The following MX1 variants were observed in gnomAD, a reference collection of about 807,000 sequenced individuals.
MX1 encodes MX dynamin like GTPase 1.
Under a neutral mutation model 66.4 loss-of-function variants are expected in MX1, and 66 were observed. The observed-to-expected ratio is 0.99, with a 90% CI of 0.82 to 1.22. MX1 has a LOEUF of 1.22. Ranked by LOEUF, MX1 falls within the 50% of genes most tolerant of loss-of-function variation. MX1 has a pLI of 0.00. For synonymous variants in MX1, 311 were observed against 318.1 expected, an observed-to-expected ratio of 0.98 and a Z score of 0.24; for missense variants, 787 against 834.3, an observed-to-expected ratio of 0.94 and a Z score of 0.70.
intron 8 of MX1, 56 bp downstream of exon 8, chr21:41,439,904 G>A: frequency 1.4e-6 from 2 of 1,478,198 alleles, no homozygotes; most frequent in South Asian, 1.2e-5. Context: ...GGGGAGTGGA[G>A]GGGTGGGAGG....
intron 15 of MX1, among the ~76,000 whole-genome samples, 155 bp from the exon 16 acceptor site, chr21:41,452,466 A>G (rs1246268781): frequency 6.6e-6 from 1 of 152,178 alleles, no homozygotes; most frequent in Non-Finnish European, 1.5e-5. Flanking sequence ...AACCTGCCTT[A>G]GATACACCAG....
chr21:41,445,687 C>A, intron 12 of MX1, 117 bp downstream of exon 12: 1 of 1,383,404 alleles, frequency 7.2e-7, no homozygotes, highest in Non-Finnish European at 9.8e-7. Context: ...GACATCTGGC[C>A]CGTAGCACTC....
At chr21:41,458,423 C>T in intron 16 of MX1, 105 bp from the exon 17 acceptor site, 1 of 1,256,364 alleles carries the variant, frequency 8.0e-7, no homozygotes, top group Non-Finnish European at 1.1e-6. Context: ...CTGCGAGGGT[C>T]TCCCTCATTG....
At chr21:41,442,006 A>AGTGTGT (rs10693544) in intron 10 of MX1, 92 bp downstream of exon 10, 314,532 of 904,166 alleles carry the variant, frequency 0.35, 34,959 homozygotes, top group Non-Finnish European at 0.39. Flanking sequence ...AGATGTGTGG[A>AGTGTGT]GTGTGTGTGT....
Position 41,443,754 on chromosome 21 carries a change from T to A in MX1, c.930-34T>A, listed in dbSNP as rs368517667. On this transcript the variant is annotated intron_variant, in intron 10 of 16. Transcript: ENST00000398598. Reference sequence around the variant, plus strand: ...GGCAGACATGCGTGTTCTGGCTACATCAAGGTGGAAATCGGTCCTGTGTTC... The same window carrying A: ...GGCAGACATGCGTGTTCTGGCTACAACAAGGTGGAAATCGGTCCTGTGTTC... 4.4e-4 allele frequency: 713 copies of A among 1,607,532 alleles called. 1 individual carries two copies. Among genetic ancestry groups the A allele is most frequent in the Non-Finnish European group, 5.8e-4 (685 of 1,174,168 alleles).
intron 7 of MX1, among the ~76,000 whole-genome samples, chr21:41,438,627 C>A (rs2146191014): frequency 6.6e-6 from 1 of 152,302 alleles, no homozygotes; most frequent in East Asian, 1.9e-4. Context: ...CGTGGCCAAG[C>A]CCAATTTCAA....
Position 41,435,926 on chromosome 21 carries a change from G to A in MX1, c.195G>A (p.Glu65=), listed in dbSNP as rs2090346637. The A allele has an allele frequency of 2.5e-6, 4 of 1,614,110 alleles. No individual in the cohort carries two copies. The highest frequency in any genetic ancestry group is 1.1e-5 in the South Asian group (1 of 91,092). ...ACTCCCTGCGGGCTCTAGGTGTGGA[G>A]CAGGACCTGGCCCTGCCAGCCATCG... ...LIDSLRALGV[E]QDLALPAIAV... is the part of the protein sequence containing the mutation. The change falls in exon 6 of 17, where the codon GAG becomes GAA. Residue 65 remains glutamate (E), a synonymous_variant. Transcript: ENST00000398598.
chr21:41,431,088 T>C (rs1254270610), intron 4 of MX1, among the ~76,000 whole-genome samples: 2 of 152,238 alleles, frequency 1.3e-5, no homozygotes, highest in African/African-American at 4.8e-5. Flanking sequence ...AGTGGTGCGA[T>C]CTCGGCTCAC....
chr21:41,445,336 C>A lies in MX1; in HGVS notation c.1009-112C>A. 2.3e-6 allele frequency: 3 copies of A among 1,303,432 alleles called. No individual in the cohort carries two copies. The South Asian group carries it at 4.1e-5, about 18-fold the overall frequency. The allele number at this position is 1,303,432 out of a possible 1,614,324, so 80.7% of individuals were successfully genotyped here. A position where few individuals can be genotyped will look rare whatever the true frequency, so the allele number is the denominator to read the frequency against. Reference sequence around the variant, plus strand: ...TGGAAAAGCTTCCTTTTAGAGGAAGCCAGGAAGTCAAATGGCCCACACAAC... The same window carrying A: ...TGGAAAAGCTTCCTTTTAGAGGAAGACAGGAAGTCAAATGGCCCACACAAC... On this transcript the variant is annotated intron_variant, in intron 11 of 16. Coordinates refer to ENST00000398598, the MANE Select transcript of MX1 (RefSeq NM_002462.5).
chr21:41,443,743 T>G (rs770857034), intron 10 of MX1, 45 bp from the exon 11 acceptor site: 17 of 1,590,604 alleles, frequency 1.1e-5, no homozygotes, highest in Non-Finnish European at 1.4e-5. Context: ...GACATGCGTG[T>G]TCTGGCTACA....
intron 3 of MX1, chr21:41,429,361 A>G (rs2090149531): frequency 6.6e-6 from 1 of 152,212 alleles, no homozygotes; most frequent in Non-Finnish European, 1.5e-5. Flanking sequence ...TAGGGAAGGG[A>G]ATCTACTCAC....
intron 7 of MX1, among the ~76,000 whole-genome samples, chr21:41,439,194 A>G (rs1413417723): frequency 2.0e-5 from 3 of 152,078 alleles, no homozygotes; most frequent in Non-Finnish European, 4.4e-5. Flanking sequence ...AAACAAATTC[A>G]TATCCTAAAA....
intron 10 of MX1, 21 bp from the exon 11 acceptor site, chr21:41,443,767 C>G: frequency 6.2e-7 from 1 of 1,612,808 alleles, no homozygotes. Flanking sequence ...AGGTGGAAAT[C>G]GGTCCTGTGT....
intron 16 of MX1, among the ~76,000 whole-genome samples, chr21:41,454,908 CTT>C (rs36105889): frequency 0.2 from 27,715 of 141,158 alleles, 2,928 homozygotes; most frequent in East Asian, 0.42. Context: ...TTCTGCCTTT[CTT>C]TTTTTTTTTT....
At chr21:41,454,836 A>G (rs467512) in intron 16 of MX1, among the ~76,000 whole-genome samples, 60,453 of 151,894 alleles carry the variant, frequency 0.4, 14,772 homozygotes, top group Non-Finnish European at 0.56. Flanking sequence ...CACCCAGCAC[A>G]GAGGCCTCCT....
intron 13 of MX1, 145 bp from the exon 14 acceptor site, chr21:41,448,992 T>A (rs2090749930): frequency 3.3e-6 from 2 of 606,390 alleles, no homozygotes; most frequent in African/African-American, 3.8e-5. Context: ...TCCCTGGATA[T>A]TTTTAGTTTA....
Position 41,435,904 on chromosome 21 carries a change from C to G in MX1, c.173C>G (p.Ser58Cys). ...KVRPCIDLID[S>C]LRALGVEQDL... ...CGCCCCTGCATCGACCTCATTGACTCCCTGCGGGCTCTAGGTGTGGAGCAG... is the reference window on the plus strand; with the variant it reads ...CGCCCCTGCATCGACCTCATTGACTGCCTGCGGGCTCTAGGTGTGGAGCAG... The change falls in exon 6 of 17, where the codon TCC becomes TGC. Residue 58 changes from serine to cysteine, a missense_variant. Transcript: ENST00000398598. 1 of 1,614,238 alleles carries G rather than the reference C, an allele frequency of 6.2e-7. No homozygotes were observed.
intron 16 of MX1, among the ~76,000 whole-genome samples, chr21:41,456,950 C>T (rs568624503): frequency 1.1e-4 from 16 of 152,210 alleles, no homozygotes; most frequent in South Asian, 4.2e-4. Flanking sequence ...TCAGTAGAGA[C>T]GGGGTTTCAC....
chr21:41,435,639 T>C (rs1259438344), intron 5 of MX1, among the ~76,000 whole-genome samples, 198 bp from the exon 6 acceptor site: 1 of 152,120 alleles, frequency 6.6e-6, no homozygotes, highest in Non-Finnish European at 1.5e-5. Flanking sequence ...TCAGACCTCA[T>C]GAAAACTCAC....
Sources: gnomAD v4.1 joint callset for allele counts (sites outside exome capture counted in the v4.1 genomes callset) on GRCh38, gnomAD v4.1.1 for gene constraint, MANE v1.5 for transcripts, NCBI Gene and HGNC (gene_info 2026-07-23, HGNC 2026-07-21) for gene names.